The following ZPBP variants were observed in gnomAD, a reference collection of about 807,000 sequenced individuals.
ZPBP encodes the protein zona pellucida-binding protein 1.
In ZPBP, 26 loss-of-function variants were observed where a neutral mutation model predicts 44.8. That is an observed-to-expected ratio of 0.58 (90% CI 0.43 to 0.81). The LOEUF (loss-of-function observed/expected upper bound fraction) is 0.81. ZPBP is among the 30% of genes least tolerant of loss of function. The pLI is 0.00. For missense variants in ZPBP, 409 were observed against 434.0 expected (o/e 0.94, Z 0.51); for synonymous variants, 174 against 153.2 (o/e 1.14, Z -1.00).
At chr7:50,082,611 G>T (rs896645307) in intron 2 of ZPBP, among the ~76,000 whole-genome samples, 7 of 151,658 alleles carry the variant, frequency 4.6e-5, no homozygotes, top group Non-Finnish European at 1.0e-4. Flanking sequence ...AGATTTCTGT[G>T]ATCGAGTAAA....
At chr7:49,936,813 G>C (rs1429138025), downstream of ZPBP, among the ~76,000 whole-genome samples, 1 of 152,146 alleles carries the variant, frequency 6.6e-6, no homozygotes, top group East Asian at 1.9e-4. Flanking sequence ...AATAAAGGTT[G>C]TGATGATTGT....
intron 4 of ZPBP, among the ~76,000 whole-genome samples, chr7:50,054,708 T>G (rs1034011439): frequency 6.6e-6 from 1 of 152,148 alleles, no homozygotes; most frequent in Non-Finnish European, 1.5e-5. Flanking sequence ...ATACCACTTG[T>G]AGTTTATATA....
At chr7:49,991,360 T>C (rs1160751121) in intron 6 of ZPBP, among the ~76,000 whole-genome samples, 1 of 152,174 alleles carries the variant, frequency 6.6e-6, no homozygotes, top group Non-Finnish European at 1.5e-5. Context: ...CTCATATTAC[T>C]GAATTAGGCG....
chr7:49,966,283 T>A (rs1796055888), intron 7 of ZPBP, among the ~76,000 whole-genome samples: 1 of 152,144 alleles, frequency 6.6e-6, no homozygotes, highest in Non-Finnish European at 1.5e-5. Context: ...ACCTAATCTA[T>A]ATTTGCTGAA....
intron 2 of ZPBP, among the ~76,000 whole-genome samples, chr7:49,875,394 A>AAAAAAAAAAAAAG (rs1255608165): frequency 6.7e-6 from 1 of 150,320 alleles, no homozygotes; most frequent in Non-Finnish European, 1.5e-5. Context: ...AAAAAAAAAA[A>AAAAAAAAAAAAAG]AAACAGGAAT....
chr7:49,912,799 A>T (rs1040607163), intron 1 of ZPBP: 1 of 152,348 alleles, frequency 6.6e-6, no homozygotes, highest in African/African-American at 2.4e-5. Flanking sequence ...TGTGAAATGC[A>T]GGTGTAAAGA....
intron 7 of ZPBP, among the ~76,000 whole-genome samples, chr7:49,941,972 A>G (rs1292313028): frequency 2.0e-5 from 3 of 152,170 alleles, no homozygotes; most frequent in Non-Finnish European, 4.4e-5. Flanking sequence ...ACAGGGACAA[A>G]TGATTTTCAC....
At chr7:50,076,495 G>C (rs1407799981) in intron 3 of ZPBP, among the ~76,000 whole-genome samples, 1 of 151,810 alleles carries the variant, frequency 6.6e-6, no homozygotes. Context: ...CTGGTGATAT[G>C]ATCTTATATT....
At chr7:49,942,283 T>G (rs1794921349) in intron 7 of ZPBP, 1 of 219,664 alleles carries the variant, frequency 4.6e-6, no homozygotes, top group Non-Finnish European at 9.0e-6. Context: ...TCTGCTTCAG[T>G]CCCTCTGAGT....
chr7:49,946,683 G>T (rs1392706883), intron 7 of ZPBP, among the ~76,000 whole-genome samples: 4 of 152,028 alleles, frequency 2.6e-5, no homozygotes, highest in African/African-American at 9.7e-5. Context: ...AGTCTCACCT[G>T]GGTTAAAGTT....
chr7:50,092,360 A>T (rs1803037084), intron 1 of ZPBP, among the ~76,000 whole-genome samples: 1 of 152,140 alleles, frequency 6.6e-6, no homozygotes, highest in Non-Finnish European at 1.5e-5. Context: ...ACCTACCTCC[A>T]CAAACCTTTT....
intron 6 of ZPBP, among the ~76,000 whole-genome samples, chr7:50,017,490 A>T (rs1562848112): frequency 6.6e-6 from 1 of 152,092 alleles, no homozygotes; most frequent in Non-Finnish European, 1.5e-5. Flanking sequence ...TCTGTGGCCA[A>T]GGAGTTGGGG....
intron 1 of ZPBP, among the ~76,000 whole-genome samples, chr7:49,906,626 G>T (rs868215206): frequency 2.7e-4 from 41 of 152,218 alleles, no homozygotes; most frequent in African/African-American, 9.9e-4. Flanking sequence ...GTGAGCCACC[G>T]CACCCAGCCA....
At chr7:49,877,695 G>A (rs1020293023) in intron 2 of ZPBP, among the ~76,000 whole-genome samples, 2 of 149,208 alleles carry the variant, frequency 1.3e-5, no homozygotes, top group African/African-American at 2.5e-5. Flanking sequence ...GGTGTCAGGA[G>A]CCCTCCCATC....
chr7:49,863,349 C>T (rs975055578), intron 2 of ZPBP, among the ~76,000 whole-genome samples: 9 of 152,122 alleles, frequency 5.9e-5, no homozygotes, highest in East Asian at 1.9e-4. Flanking sequence ...TTTTTATCTT[C>T]GCCACTCCAG....
chr7:50,039,199 T>C (rs1315117729), intron 4 of ZPBP, among the ~76,000 whole-genome samples: 1 of 152,042 alleles, frequency 6.6e-6, no homozygotes, highest in Non-Finnish European at 1.5e-5. Context: ...GATATGGTTA[T>C]AAAATCACAT....
chr7:49,877,128 C>G (rs1465480806), intron 2 of ZPBP, among the ~76,000 whole-genome samples: 7 of 151,992 alleles, frequency 4.6e-5, no homozygotes. Context: ...CATTGGAAGA[C>G]ACGTATCTCT....
At chr7:49,852,418 G>C (rs967248686) in intron 2 of ZPBP, among the ~76,000 whole-genome samples, 2 of 152,214 alleles carry the variant, frequency 1.3e-5, no homozygotes, top group Non-Finnish European at 2.9e-5. Context: ...AAGGTGACCG[G>C]TGCTGTTTTG....
chr7:49,962,246 TAACAA>T (rs1410170219), intron 7 of ZPBP, among the ~76,000 whole-genome samples: 2 of 151,842 alleles, frequency 1.3e-5, no homozygotes, highest in Non-Finnish European at 2.9e-5. Flanking sequence ...CAAAAATCCT[TAACAA>T]AATGTTATTA....
Sources: gnomAD v4.1 joint callset for allele counts (sites outside exome capture counted in the v4.1 genomes callset) on GRCh38, gnomAD v4.1.1 for gene constraint, MANE v1.5 for transcripts, NCBI Gene and HGNC (gene_info 2026-07-23, HGNC 2026-07-21) for gene names.